Variants in WDFY4 observed in about 807,000 individuals in gnomAD.
WDFY4 encodes the protein WDFY family member 4, also known as WD repeat- and FYVE domain-containing protein 4.
A neutral mutation model predicts 351.9 loss-of-function variants in WDFY4; 169 were observed. The observed-to-expected ratio is 0.48, with a 90% CI of 0.42 to 0.55. The LOEUF (loss-of-function observed/expected upper bound fraction) is 0.55, where lower values mean the gene tolerates loss of function less well. Ranked by LOEUF, WDFY4 falls within the 20% of genes least tolerant of loss-of-function variation. The pLI is 0.00. For missense variants in WDFY4, 3,803 were observed against 3,935.6 expected (o/e 0.97, Z 0.90); for synonymous variants, 1,622 against 1,574.6 (o/e 1.03, Z -0.71).
At chr10:48,764,531 G>A (rs180818039) in intron 13 of WDFY4, among the ~76,000 whole-genome samples, 8 of 152,316 alleles carry the variant, frequency 5.3e-5, no homozygotes, top group South Asian at 4.1e-4. Context: ...AGATGTGGCC[G>A]TGGGCTAGAG....
intron 12 of WDFY4, among the ~76,000 whole-genome samples, chr10:48,749,410 C>T (rs774488350): frequency 6.6e-6 from 1 of 151,696 alleles, no homozygotes; most frequent in Non-Finnish European, 1.5e-5. Context: ...TACCACACAC[C>T]CACACACTGC....
chr10:48,978,515 G>T, intron 60 of WDFY4, 122 bp downstream of exon 60: 1 of 912,642 alleles, frequency 1.1e-6, no homozygotes, highest in Non-Finnish European at 1.6e-6. Flanking sequence ...GGGAGGCCTA[G>T]GAAGGCACAG....
chr10:48,865,168 C>T (rs1439782469), intron 39 of WDFY4, among the ~76,000 whole-genome samples: 1 of 152,166 alleles, frequency 6.6e-6, no homozygotes, highest in Admixed American at 6.6e-5. Flanking sequence ...TCCTTCACCA[C>T]CAAGTATAAT....
intron 5 of WDFY4, 86 bp from the exon 6 acceptor site, chr10:48,725,795 G>C (rs1388597191): frequency 5.4e-6 from 7 of 1,308,024 alleles, no homozygotes; most frequent in African/African-American, 1.5e-5. Context: ...GCTCATCAGT[G>C]CTCCAGAGAA....
chr10:48,725,921 G>T lies in WDFY4; in HGVS notation c.632G>T (p.Gly211Val). The T allele has an allele frequency of 6.4e-7, 1 of 1,550,958 alleles. No homozygotes were observed. The highest frequency in any genetic ancestry group is 8.7e-7 in the Non-Finnish European group (1 of 1,146,384). ...NICSDSQGLE[G>V]LLSGSELQSL... ...TGCAGTGACTCTCAGGGCCTGGAGG[G>T]ACTCCTCTCAGGAAGTGAGCTGCAG... The change falls in exon 6 of 62, where the codon GGA (glycine) becomes GTA (valine). Residue 211 changes from glycine to valine, a missense_variant. Physicochemically the swap from Gly to Val is moderately radical, Grantham distance 109. Transcript: ENST00000325239.
intron 47 of WDFY4, among the ~76,000 whole-genome samples, chr10:48,934,271 C>G (rs776486559): frequency 9.2e-5 from 14 of 152,224 alleles, no homozygotes; most frequent in Non-Finnish European, 1.5e-4. Context: ...AAAGACACTA[C>G]CTACTTTTTA....
At chr10:48,707,488 G>C (rs2063661910) in intron 1 of WDFY4, among the ~76,000 whole-genome samples, 2 of 152,210 alleles carry the variant, frequency 1.3e-5, no homozygotes, top group South Asian at 4.1e-4. Context: ...CCAGCCCTGT[G>C]TGCTGGACTG....
At position 48,721,327 on chromosome 10, in the gene WDFY4, TG is replaced by T; in HGVS notation, c.417del (p.Leu139PhefsTer3). The stretch of plus-strand genomic sequence containing the variant: ...GGGGACGTGGATCAGGATGGCTACT[TG>T]CTCCTGAAGTCAGTGTACGTGCTCA... ...WKGDVDQDGYLLLKSVYVLTG... is the reference protein window; with the variant it reads ...WKGDVDQDGYXLLKSVYVLTG... On this transcript the variant is annotated frameshift_variant, in exon 4 of 62. Transcript: ENST00000325239. LOFTEE classifies it high-confidence loss of function. 1.9e-6 allele frequency: 3 copies of T among 1,551,662 alleles called. No individual in the cohort carries two copies. The highest frequency in any genetic ancestry group is 2.6e-6 in the Non-Finnish European group (3 of 1,146,964).
At chr10:48,715,729 C>T (rs1458144913) in intron 2 of WDFY4, among the ~76,000 whole-genome samples, 2 of 152,046 alleles carry the variant, frequency 1.3e-5, no homozygotes, top group Non-Finnish European at 2.9e-5. Flanking sequence ...AGATTCATGC[C>T]ATTCTCCTGC....
chr10:48,767,626 G>A (rs1486098917), intron 13 of WDFY4, among the ~76,000 whole-genome samples: 2 of 152,168 alleles, frequency 1.3e-5, no homozygotes, highest in South Asian at 2.1e-4. Flanking sequence ...TGTTAAAATG[G>A]GGAGGAGAAG....
At chr10:48,795,522 T>C (rs776410713) in intron 23 of WDFY4, among the ~76,000 whole-genome samples, 80 of 106,182 alleles carry the variant, frequency 7.5e-4, no homozygotes, top group Middle Eastern at 4.4e-3. Context: ...TATATATATA[T>C]ACATATATAT....
intron 46 of WDFY4, among the ~76,000 whole-genome samples, chr10:48,901,322 G>A (rs769769529): frequency 6.6e-6 from 1 of 152,134 alleles, no homozygotes; most frequent in Non-Finnish European, 1.5e-5. Context: ...TTCCCCCTAT[G>A]GTTTCTGTTC....
rs118009163 is a variant in WDFY4 at position 48,886,063 on chromosome 10, G to C, written c.7168-4516G>C. ...GATGATAAATGGGAGCAGGGCTAAA[G>C]CTTTCTTTGCAGCAGACTCACTCAC... On this transcript the variant is annotated intron_variant, in intron 43 of 61. Coordinates refer to ENST00000325239, the MANE Select transcript of WDFY4 (RefSeq NM_001394531.1). Among the ~76,000 whole-genome samples the C allele has an allele frequency of 5.0e-3, 765 of 152,304 alleles. 4 individuals carry two copies. The highest frequency in any genetic ancestry group is 8.7e-3 in the Non-Finnish European group (594 of 68,030).
intron 47 of WDFY4, among the ~76,000 whole-genome samples, chr10:48,919,272 G>T (rs1838835274): frequency 6.6e-6 from 1 of 151,868 alleles, no homozygotes; most frequent in Admixed American, 6.6e-5. Context: ...TAAGAGAACA[G>T]TACAAACAAC....
chr10:48,759,891 T>C (rs972700775), intron 12 of WDFY4, among the ~76,000 whole-genome samples: 1 of 152,128 alleles, frequency 6.6e-6, no homozygotes, highest in African/African-American at 2.4e-5. Context: ...CTCCATGAGT[T>C]CTAAGTGTTT....
At position 48,900,201 on chromosome 10, in the gene WDFY4, A is replaced by G; in HGVS notation, c.7438-20A>G. ...AGTCCACAAAATATCAGGAGCATTA[A>G]AAGGGGCTTCTCTTCACAGGACATC... On this transcript the variant is annotated intron_variant, in intron 45 of 61. Transcript: ENST00000325239. 1.9e-6 allele frequency: 3 copies of G among 1,548,018 alleles called. No individual in the cohort carries two copies. Among genetic ancestry groups the G allele is most frequent in the Non-Finnish European group, 2.6e-6 (3 of 1,145,496 alleles).
At chr10:48,912,101 C>T (rs1291775821) in intron 47 of WDFY4, among the ~76,000 whole-genome samples, 1 of 152,192 alleles carries the variant, frequency 6.6e-6, no homozygotes, top group Non-Finnish European at 1.5e-5. Context: ...TTTTCTTTTA[C>T]CCACATGAAG....
At chr10:48,840,484 TTCTC>T (rs978924378) in intron 39 of WDFY4, among the ~76,000 whole-genome samples, 12 of 145,304 alleles carry the variant, frequency 8.3e-5, no homozygotes, top group South Asian at 4.5e-4. Context: ...CCCACTCTCT[TTCTC>T]TCTCTCTCAC....
Position 48,966,572 on chromosome 10 carries a change from T to G in WDFY4, c.8483T>G (p.Leu2828Arg). 1 of 1,552,176 alleles carries G rather than the reference T, an allele frequency of 6.4e-7. No homozygotes were observed. The highest frequency in any genetic ancestry group is 1.2e-5 in the South Asian group (1 of 84,060). ...GCCAGGACTGCAGCAGGGAAGCCTC[T>G]GCCTGGAAAGGATGTCTCCACCCCC... Reference protein sequence around the residue: ...HPARTAAGKPLPGKDVSTPVS... With the variant: ...HPARTAAGKPRPGKDVSTPVS... The change falls in exon 55 of 62, where the codon CTG (leucine) becomes CGG (arginine). Residue 2828 changes from leucine (L) to arginine (R), a missense_variant. Transcript: ENST00000325239.
Sources: allele counts gnomAD v4.1 joint callset (sites outside exome capture counted in the v4.1 genomes callset), GRCh38; gene constraint gnomAD v4.1.1; transcripts MANE v1.5; gene names NCBI Gene and HGNC (gene_info 2026-07-23, HGNC 2026-07-21).